Variants in LRP1B observed in about 807,000 individuals in gnomAD.
LRP1B encodes the protein low-density lipoprotein receptor-related protein 1B.
In LRP1B, 217 loss-of-function variants were observed where a neutral mutation model predicts 556.6. The ratio of observed to expected loss-of-function variants is 0.39; its 90% CI spans 0.35 to 0.44. LRP1B has a LOEUF of 0.44. Ranked by LOEUF, LRP1B falls within the 20% of genes least tolerant of loss-of-function variation. LRP1B has a pLI of 1.00. For synonymous variants in LRP1B, 2,047 were observed against 1,865.8 expected (o/e 1.10, Z -2.50); for missense variants, 5,053 against 5,620.8 (o/e 0.90, Z 3.23).
At chr2:141,510,221 C>T (rs957761515) in intron 2 of LRP1B, among the ~76,000 whole-genome samples, 4 of 150,764 alleles carry the variant, frequency 2.7e-5, no homozygotes, top group African/African-American at 9.8e-5. Context: ...CACACACACA[C>T]ACACACACAC....
At chr2:140,353,098 A>C (rs1558823172) in intron 75 of LRP1B, 26 bp from the exon 76 acceptor site, 1 of 1,611,396 alleles carries the variant, frequency 6.2e-7, no homozygotes, top group Non-Finnish European at 8.5e-7. Context: ...TCAAAATAGC[A>C]TCATCATACC....
chr2:141,902,689 T>A (rs1699654668), intron 1 of LRP1B, among the ~76,000 whole-genome samples: 1 of 149,828 alleles, frequency 6.7e-6, no homozygotes, highest in South Asian at 2.1e-4. Flanking sequence ...AACTTACTCT[T>A]GAAATGAACA....
At chr2:140,612,096 C>T (rs866994972) in intron 41 of LRP1B, among the ~76,000 whole-genome samples, 1 of 152,066 alleles carries the variant, frequency 6.6e-6, no homozygotes, top group Non-Finnish European at 1.5e-5. Flanking sequence ...TAAGTACCTA[C>T]TATGTGCCCA....
Position 141,062,167 on chromosome 2 carries a change from C to T in LRP1B, c.1120G>A (p.Ala374Thr), listed in dbSNP as rs757868797. Reference sequence around the variant, plus strand: ...TTGTTGACTAGGTCTAGTGCCAGTGCAGCTGGCTGCTCTGTCTTTGAATCA... The same window carrying T: ...TTGTTGACTAGGTCTAGTGCCAGTGTAGCTGGCTGCTCTGTCTTTGAATCA... ...IIDSKTEQPAALALDLVNKLV... is the reference protein window; with the variant it reads ...IIDSKTEQPATLALDLVNKLV... Residue 374 changes from alanine (A) to threonine (T), a missense_variant, in exon 8 of 91, where the codon GCA becomes ACA. Ala to Thr is a moderately conservative substitution (Grantham distance 58). Transcript: ENST00000389484. 1 of 1,611,912 alleles carries T rather than the reference C, an allele frequency of 6.2e-7. No individual in the cohort carries two copies.
intron 38 of LRP1B, 30 bp downstream of exon 38, chr2:140,702,397 C>G (rs1686680659): frequency 6.2e-7 from 1 of 1,611,972 alleles, no homozygotes; most frequent in Non-Finnish European, 8.5e-7. Flanking sequence ...AGTTAAGGCA[C>G]TTTAAATACT....
chr2:141,650,643 T>A (rs1436236062), intron 2 of LRP1B, among the ~76,000 whole-genome samples: 1 of 152,192 alleles, frequency 6.6e-6, no homozygotes, highest in Non-Finnish European at 1.5e-5. Flanking sequence ...CGGAAATTAA[T>A]GAGAACGTAG....
At chr2:140,845,419 A>G (rs1692246093) in intron 29 of LRP1B, among the ~76,000 whole-genome samples, 1 of 152,196 alleles carries the variant, frequency 6.6e-6, no homozygotes, top group South Asian at 2.1e-4. Context: ...ATCAATAAAA[A>G]ATTCAAGTCT....
At chr2:140,329,536 T>A (rs1247793397) in intron 79 of LRP1B, among the ~76,000 whole-genome samples, 1 of 152,008 alleles carries the variant, frequency 6.6e-6, no homozygotes, top group African/African-American at 2.4e-5. Flanking sequence ...TGATAAGCAA[T>A]TTCAGGAAAG....
At chr2:142,117,201 T>C (rs536684581) in intron 1 of LRP1B, among the ~76,000 whole-genome samples, 4 of 152,284 alleles carry the variant, frequency 2.6e-5, no homozygotes, top group South Asian at 4.1e-4. Flanking sequence ...TTCAGAAACA[T>C]GATCCCATGT....
intron 43 of LRP1B, among the ~76,000 whole-genome samples, chr2:140,594,807 A>C (rs1383793047): frequency 6.6e-6 from 1 of 152,006 alleles, no homozygotes; most frequent in Non-Finnish European, 1.5e-5. Flanking sequence ...TCACTTTTCC[A>C]GCACTCCTTT....
At chr2:141,311,791 A>C (rs1335030201) in intron 3 of LRP1B, among the ~76,000 whole-genome samples, 1 of 152,136 alleles carries the variant, frequency 6.6e-6, no homozygotes, top group African/African-American at 2.4e-5. Flanking sequence ...TGTAAGAATA[A>C]ATTTATTTTC....
chr2:140,951,210 C>G (rs962802055), intron 19 of LRP1B, among the ~76,000 whole-genome samples: 22 of 152,248 alleles, frequency 1.4e-4, no homozygotes, highest in African/African-American at 5.1e-4. Context: ...AGAACCCACT[C>G]TTTACCCCTC....
intron 2 of LRP1B, among the ~76,000 whole-genome samples, chr2:141,498,356 C>CTTTTTTT (rs67454706): frequency 2.8e-5 from 4 of 144,090 alleles, no homozygotes. Flanking sequence ...CTTTAAAATC[C>CTTTTTTT]TTTTTTTTTT....
At chr2:141,280,258 C>T (rs1160901901) in intron 3 of LRP1B, among the ~76,000 whole-genome samples, 1 of 152,024 alleles carries the variant, frequency 6.6e-6, no homozygotes, top group Non-Finnish European at 1.5e-5. Flanking sequence ...TACATGAGTG[C>T]AAACAGTCCA....
chr2:141,652,024 G>A (rs902338378), intron 2 of LRP1B, among the ~76,000 whole-genome samples: 1 of 152,114 alleles, frequency 6.6e-6, no homozygotes, highest in African/African-American at 2.4e-5. Context: ...TTTAGCCAAA[G>A]TTTTATTCTC....
At chr2:140,298,196 C>A (rs1407434664) in intron 83 of LRP1B, among the ~76,000 whole-genome samples, 1 of 152,022 alleles carries the variant, frequency 6.6e-6, no homozygotes, top group East Asian at 1.9e-4. Flanking sequence ...GTAAAATAAT[C>A]AAAGATCATT....
intron 3 of LRP1B, among the ~76,000 whole-genome samples, chr2:141,267,823 C>A (rs1041623552): frequency 2.6e-5 from 4 of 152,024 alleles, no homozygotes; most frequent in Non-Finnish European, 5.9e-5. Flanking sequence ...TGTTACCTAG[C>A]TTTTGTGAGA....
intron 68 of LRP1B, among the ~76,000 whole-genome samples, chr2:140,375,092 C>A (rs1683164365): frequency 6.6e-6 from 1 of 151,552 alleles, no homozygotes; most frequent in Admixed American, 6.6e-5. Context: ...AATGTTGATA[C>A]CTTTGCAACC....
chr2:142,118,320 A>T (rs908030930), intron 1 of LRP1B, among the ~76,000 whole-genome samples: 2 of 152,118 alleles, frequency 1.3e-5, no homozygotes, highest in African/African-American at 4.8e-5. Context: ...ATCTTGGTAA[A>T]TTCAAATAGC....
Sources: allele counts gnomAD v4.1 joint callset (sites outside exome capture counted in the v4.1 genomes callset), GRCh38; gene constraint gnomAD v4.1.1; transcripts MANE v1.5; gene names NCBI Gene and HGNC (gene_info 2026-07-23, HGNC 2026-07-21).